Variants in RPS6KA2 observed in about 807,000 individuals in gnomAD.
RPS6KA2 encodes the protein ribosomal protein S6 kinase alpha-2.
A neutral mutation model predicts 91.8 loss-of-function variants in RPS6KA2; 42 were observed. The ratio of observed to expected loss-of-function variants is 0.46; its 90% confidence interval spans 0.36 to 0.59. The LOEUF is 0.59. RPS6KA2 is among the 20% of genes least tolerant of loss of function. The pLI is 0.00. For missense variants in RPS6KA2, 798 were observed against 978.5 expected (o/e 0.82, Z 2.46); for synonymous variants, 414 against 393.6 (o/e 1.05, Z -0.61).
At chr6:166,675,078 G>T (rs1788580306) in intron 2 of RPS6KA2, among the ~76,000 whole-genome samples, 1 of 152,240 alleles carries the variant, frequency 6.6e-6, no homozygotes, top group South Asian at 2.1e-4. Flanking sequence ...TGGTTCTCAG[G>T]TTCTTCTGTT....
chr6:166,692,434 G>A (rs111254350), intron 2 of RPS6KA2, among the ~76,000 whole-genome samples: 307 of 152,264 alleles, frequency 2.0e-3, no homozygotes, highest in Non-Finnish European at 2.7e-3. Flanking sequence ...ACCCAGCCAT[G>A]GCAAACTCAA....
chr6:166,791,761 GACC>G (rs1479671618), intron 2 of RPS6KA2, among the ~76,000 whole-genome samples: 3 of 151,542 alleles, frequency 2.0e-5, no homozygotes, highest in African/African-American at 7.4e-5. Context: ...GCTCTTGAAT[GACC>G]ACTGGGTACA....
At chr6:166,578,252 G>A (rs1784901200) in intron 1 of RPS6KA2, among the ~76,000 whole-genome samples, 1 of 152,190 alleles carries the variant, frequency 6.6e-6, no homozygotes, top group African/African-American at 2.4e-5. Flanking sequence ...ACGTGCCGTA[G>A]ACTCCTCCAT....
chr6:166,421,358 G>T (rs75009112), intron 17 of RPS6KA2, among the ~76,000 whole-genome samples: 3,782 of 152,332 alleles, frequency 0.025, 75 homozygotes, highest in Non-Finnish European at 0.037. Flanking sequence ...CTGCATAGGC[G>T]TGAGGGGCGC....
chr6:166,584,606 G>A (rs1180231877), intron 1 of RPS6KA2, among the ~76,000 whole-genome samples: 1 of 152,188 alleles, frequency 6.6e-6, no homozygotes, highest in Non-Finnish European at 1.5e-5. Context: ...ATACTCAGCA[G>A]CTCTCCAGAT....
chr6:166,641,167 C>T (rs1280315233), intron 2 of RPS6KA2, among the ~76,000 whole-genome samples: 1 of 152,078 alleles, frequency 6.6e-6, no homozygotes, highest in Non-Finnish European at 1.5e-5. Context: ...GGCATGAGCT[C>T]GCAAACATAA....
At chr6:166,625,998 A>T (rs1416707238) in intron 1 of RPS6KA2, among the ~76,000 whole-genome samples, 1 of 152,252 alleles carries the variant, frequency 6.6e-6, no homozygotes, top group Admixed American at 6.5e-5. Flanking sequence ...AGATTGTTCC[A>T]GCTGAAACAA....
Position 166,647,246 on chromosome 6 carries a change from C to G in RPS6KA2, c.124-108462G>C, listed in dbSNP as rs11965853. ...TCTTCAAATCATCCTGATTTCTCCC[C>G]TTTCACGGCCCTCCCAAGCCCAGCC... On this transcript the variant is annotated intron_variant, in intron 2 of 21. Transcript: ENST00000503859. Among the ~76,000 whole-genome samples the G allele has an allele frequency of 2.4e-3, 371 of 152,254 alleles. 7 individuals are homozygous for G. The highest frequency in any genetic ancestry group is 0.02 in the Admixed American group (311 of 15,306).
chr6:166,701,041 G>A, intron 2 of RPS6KA2: 1 of 1,309,830 alleles, frequency 7.6e-7, no homozygotes, highest in Non-Finnish European at 1.1e-6. Context: ...TGTTTGTTAA[G>A]CAATCTGTCT....
At chr6:166,415,249 T>G (rs1778459767) in intron 19 of RPS6KA2, among the ~76,000 whole-genome samples, 1 of 152,218 alleles carries the variant, frequency 6.6e-6, no homozygotes, top group African/African-American at 2.4e-5. Flanking sequence ...AACAAGTATC[T>G]CCTAGAAAAA....
At chr6:166,658,699 C>T (rs530465322) in intron 2 of RPS6KA2, among the ~76,000 whole-genome samples, 2 of 152,276 alleles carry the variant, frequency 1.3e-5, no homozygotes, top group South Asian at 4.1e-4. Context: ...CAGGGTTCGC[C>T]TGTGCAATTC....
intron 1 of RPS6KA2, among the ~76,000 whole-genome samples, chr6:166,578,186 A>T (rs1337470181): frequency 6.6e-6 from 1 of 152,154 alleles, no homozygotes; most frequent in African/African-American, 2.4e-5. Flanking sequence ...CAGGATTGGA[A>T]CCCAGGTTTC....
chr6:166,860,628 G>A (rs865966827), intron 1 of RPS6KA2, among the ~76,000 whole-genome samples: 2 of 152,158 alleles, frequency 1.3e-5, no homozygotes, highest in Non-Finnish European at 2.9e-5. Flanking sequence ...TCTGAGCCCA[G>A]GGCGGAATCC....
At chr6:166,604,624 T>G (rs1476813975) in intron 1 of RPS6KA2, among the ~76,000 whole-genome samples, 1 of 152,208 alleles carries the variant, frequency 6.6e-6, no homozygotes, top group African/African-American at 2.4e-5. Context: ...AAAGTCCTTC[T>G]GTCATGGGCT....
At position 166,626,793 on chromosome 6, in the gene RPS6KA2, A is replaced by C; in HGVS notation, c.99+128T>G. On this transcript the variant is annotated intron_variant, in intron 1 of 20. Coordinates refer to ENST00000265678, the MANE Select transcript of RPS6KA2 (RefSeq NM_021135.6). This position sits in a 1 kb window ranked among gnomAD's most constrained non-coding sequence, Gnocchi z 4.1. ...CGTTTGGTTCGATTTTCGGAACCGG[A>C]CCAGCTTTCCAGTAACTTGAACTCC... 2 of 749,586 alleles carry C rather than the reference A, an allele frequency of 2.7e-6. No homozygotes were observed. The highest frequency in any genetic ancestry group is 3.7e-6 in the Non-Finnish European group (2 of 542,640). The allele number at this position is 749,586 out of a possible 1,614,324, so 46.4% of individuals were successfully genotyped here.
chr6:166,416,447 CATCATCTCTCACT>C (rs1161500855), intron 19 of RPS6KA2, among the ~76,000 whole-genome samples: 1 of 151,798 alleles, frequency 6.6e-6, no homozygotes, highest in African/African-American at 2.4e-5. Context: ...CAATCACTAC[CATCATCTCTCACT>C]ATCATCTCCC....
At chr6:166,686,922 A>T (rs1283888930) in intron 2 of RPS6KA2, among the ~76,000 whole-genome samples, 1 of 152,216 alleles carries the variant, frequency 6.6e-6, no homozygotes, top group Non-Finnish European at 1.5e-5. Flanking sequence ...GAGAAAGAAC[A>T]GGGGTGAGGG....
chr6:166,683,694 A>C (rs775245129), intron 2 of RPS6KA2, among the ~76,000 whole-genome samples: 1 of 152,238 alleles, frequency 6.6e-6, no homozygotes, highest in African/African-American at 2.4e-5. Context: ...ATGTCAGAGC[A>C]CATCAGACTG....
chr6:166,731,454 C>T (rs1583057915), intron 2 of RPS6KA2, among the ~76,000 whole-genome samples: 1 of 139,790 alleles, frequency 7.2e-6, no homozygotes, highest in Non-Finnish European at 1.5e-5. Context: ...GAAGGAGGGG[C>T]GTGGTGGGGG....
Sources: allele counts gnomAD v4.1 joint callset (sites outside exome capture counted in the v4.1 genomes callset), GRCh38; gene constraint gnomAD v4.1.1; non-coding constraint Gnocchi (gnomAD v3.1); transcripts MANE v1.5; gene names NCBI Gene and HGNC (gene_info 2026-07-23, HGNC 2026-07-21).